The following NAALADL2 variants were observed in gnomAD, a reference collection of about 807,000 sequenced individuals.
NAALADL2 encodes the protein N-acetylated alpha-linked acidic dipeptidase like 2.
A neutral mutation model predicts 87.2 loss-of-function variants in NAALADL2; 76 were observed. The ratio of observed to expected loss-of-function variants is 0.87; its 90% CI spans 0.72 to 1.05. The LOEUF (loss-of-function observed/expected upper bound fraction) is 1.05. Ranked by LOEUF, NAALADL2 falls within the 50% of genes least tolerant of loss-of-function variation. The pLI, the probability that NAALADL2 is intolerant of heterozygous loss-of-function variation, is 0.00. For missense variants in NAALADL2, 1,089 were observed against 945.8 expected (o/e 1.15, Z -1.99); for synonymous variants, 354 against 331.0 (o/e 1.07, Z -0.75).
chr3:175,467,349 A>G (rs1412467562), intron 8 of NAALADL2, among the ~76,000 whole-genome samples, 165 bp downstream of exon 8: 1 of 150,684 alleles, frequency 6.6e-6, no homozygotes, highest in East Asian at 1.9e-4. Context: ...AATTAGAGCT[A>G]GACCACAGCA....
rs1002103979 is a variant in NAALADL2, at chr3:175,062,784, C to A, written c.44-34006C>A. On this transcript the variant is annotated intron_variant, in intron 1 of 13. Coordinates refer to ENST00000454872, the MANE Select transcript of NAALADL2 (RefSeq NM_207015.3). ...CGGTTTGTGTAAACCCAAAGACATG[C>A]AGAAAGAAAACAAACCCTAATTGTA... 2.0e-5 allele frequency among the ~76,000 whole-genome samples: 3 copies of A among 151,998 alleles called. No individual in the cohort carries two copies. In the East Asian group the frequency reaches 5.8e-4, roughly 29 times the overall value.
intron 1 of NAALADL2, among the ~76,000 whole-genome samples, chr3:175,006,169 C>T (rs541807243): frequency 6.8e-4 from 104 of 152,238 alleles, no homozygotes; most frequent in Non-Finnish European, 1.0e-3. Context: ...AAAGGCCCAC[C>T]TAAAATCCCC....
chr3:175,540,464 G>A (rs1027113815), intron 9 of NAALADL2, among the ~76,000 whole-genome samples: 8 of 152,162 alleles, frequency 5.3e-5, no homozygotes, highest in Non-Finnish European at 1.2e-4. Context: ...GGAGGCCATG[G>A]CAGAGCCTTT....
chr3:174,925,817 T>C (rs1735935450), intron 1 of NAALADL2, among the ~76,000 whole-genome samples: 1 of 152,106 alleles, frequency 6.6e-6, no homozygotes, highest in Non-Finnish European at 1.5e-5. Context: ...TTCCTAGGTA[T>C]TTTATTCTCT....
chr3:175,740,187 A>C (rs1490414671), intron 12 of NAALADL2, among the ~76,000 whole-genome samples: 1 of 152,228 alleles, frequency 6.6e-6, no homozygotes, highest in Admixed American at 6.5e-5. Context: ...TTCAAAGAAG[A>C]GGAAGTAATC....
intron 9 of NAALADL2, among the ~76,000 whole-genome samples, chr3:175,569,619 ATC>A (rs368218434): frequency 1.3e-5 from 2 of 151,490 alleles, no homozygotes. Flanking sequence ...TAGATACAAG[ATC>A]TCTCTCTCTC....
chr3:175,424,114 T>C (rs1716363911), intron 5 of NAALADL2, among the ~76,000 whole-genome samples: 1 of 152,164 alleles, frequency 6.6e-6, no homozygotes, highest in African/African-American at 2.4e-5. Flanking sequence ...GATGGGGTTG[T>C]TTGATTTTTT....
Position 175,256,573 on chromosome 3 carries a change from G to A in NAALADL2, c.939+43G>A, listed in dbSNP as rs544400306. 1.9e-6 allele frequency: 3 copies of A among 1,587,858 alleles called. No homozygotes were observed. The African/African-American group carries it at 4.1e-5, about 21-fold the overall frequency. ...TATTCAGTGGTTTGGTCAATATTTT[G>A]CCTTGTTTTGTTGGAATTATATGCT... On this transcript the variant is annotated intron_variant, in intron 4 of 13. Transcript: ENST00000454872.
At chr3:174,992,544 A>G (rs537739271) in intron 1 of NAALADL2, among the ~76,000 whole-genome samples, 1 of 152,232 alleles carries the variant, frequency 6.6e-6, no homozygotes, top group African/African-American at 2.4e-5. Flanking sequence ...CAGTTATTTT[A>G]GCAGAAATAG....
chr3:175,370,648 C>T (rs1766361602), intron 5 of NAALADL2, among the ~76,000 whole-genome samples: 1 of 152,140 alleles, frequency 6.6e-6, no homozygotes, highest in Admixed American at 6.5e-5. Context: ...TCCTTTAGCC[C>T]CTCCAGCTTT....
At chr3:175,506,687 G>A (rs774138786) in intron 9 of NAALADL2, among the ~76,000 whole-genome samples, 22 of 152,218 alleles carry the variant, frequency 1.4e-4, no homozygotes, top group African/African-American at 2.9e-4. Context: ...TACTTATTTC[G>A]TTCAACAATA....
At chr3:175,117,168 A>G (rs547446799) in intron 2 of NAALADL2, among the ~76,000 whole-genome samples, 11 of 152,244 alleles carry the variant, frequency 7.2e-5, no homozygotes, top group African/African-American at 2.6e-4. Context: ...CCTAGAATAA[A>G]ACCTAGGCAA....
Position 175,179,122 on chromosome 3 carries a change from G to T in NAALADL2, c.546-54809G>T, listed in dbSNP as rs144472704. Among the ~76,000 whole-genome samples the T allele has an allele frequency of 4.9e-4, 75 of 152,066 alleles. No individual in the cohort carries two copies. In the East Asian group the frequency reaches 0.012, roughly 25 times the overall value. ...GAGAGCTTTCTATGATCCACGAGAA[G>T]TTATTTTACTTTCCTAACTGCTCCT... is the stretch of plus-strand genomic sequence containing the variant. On this transcript the variant is annotated intron_variant, in intron 2 of 13. Coordinates refer to ENST00000454872, the MANE Select transcript of NAALADL2 (RefSeq NM_207015.3).
At chr3:175,206,754 G>A (rs1011474441) in intron 2 of NAALADL2, among the ~76,000 whole-genome samples, 1 of 152,114 alleles carries the variant, frequency 6.6e-6, no homozygotes, top group African/African-American at 2.4e-5. Flanking sequence ...AATGATGCTA[G>A]AAGTCGTTGG....
At chr3:175,214,606 C>T (rs996763364) in intron 2 of NAALADL2, among the ~76,000 whole-genome samples, 1 of 126,470 alleles carries the variant, frequency 7.9e-6, no homozygotes, top group South Asian at 2.6e-4. Context: ...CATCAGAAAA[C>T]CATTTTTTTC....
chr3:174,944,463 A>G (rs1739105134), intron 1 of NAALADL2, among the ~76,000 whole-genome samples: 1 of 152,100 alleles, frequency 6.6e-6, no homozygotes, highest in South Asian at 2.1e-4. Context: ...AGGGAGGTAC[A>G]ATGCTGCTAC....
chr3:174,755,814 A>G (rs1050156568), intron 3 of NAALADL2, among the ~76,000 whole-genome samples: 1 of 152,226 alleles, frequency 6.6e-6, no homozygotes, highest in Admixed American at 6.5e-5. Context: ...TATTCAAAAT[A>G]TCTACTTCTC....
At chr3:175,340,422 A>G (rs1160996951) in intron 5 of NAALADL2, among the ~76,000 whole-genome samples, 1 of 152,102 alleles carries the variant, frequency 6.6e-6, no homozygotes, top group Non-Finnish European at 1.5e-5. Context: ...TTTGCACTCT[A>G]TTTACAGCTG....
chr3:175,021,255 G>A (rs1751518853), intron 1 of NAALADL2, among the ~76,000 whole-genome samples: 1 of 151,898 alleles, frequency 6.6e-6, no homozygotes, highest in South Asian at 2.1e-4. Flanking sequence ...TCATAAACAG[G>A]ACTTTAAATT....
Sources: gnomAD v4.1 joint callset for allele counts (sites outside exome capture counted in the v4.1 genomes callset) on GRCh38, gnomAD v4.1.1 for gene constraint, MANE v1.5 for transcripts, NCBI Gene and HGNC (gene_info 2026-07-23, HGNC 2026-07-21) for gene names.